STAT3: variants seen among roughly 807,000 people sequenced by gnomAD.
STAT3 encodes signal transducer and activator of transcription 3.
Under a neutral mutation model 114.3 loss-of-function variants are expected in STAT3, and 7 were observed. The ratio of observed to expected loss-of-function variants is 0.06; its 90% confidence interval spans 0.03 to 0.11. The LOEUF (loss-of-function observed/expected upper bound fraction) is 0.11. Ranked by LOEUF, STAT3 falls within the 10% of genes least tolerant of loss-of-function variation. The probability of loss-of-function intolerance (pLI) is 1.00; values close to 1 mark genes in which losing one functional copy is unlikely to be tolerated. For missense variants in STAT3, 364 were observed against 960.9 expected, an observed-to-expected ratio of 0.38 and a Z score of 8.21; for synonymous variants, 331 against 354.5, an observed-to-expected ratio of 0.93 and a Z score of 0.74.
rs375246748 is a variant in STAT3 at position 42,329,536 on chromosome 17, G to A, written c.1233+18C>T. On this transcript the variant is annotated intron_variant, in intron 13 of 23. Transcript: ENST00000264657. ...GGCAGCCAGAGGCCCTTTGTGAAGG[G>A]GAGCTCCTCCCACATACCAAGTGTT... The A allele has an allele frequency of 6.2e-7, 1 of 1,614,170 alleles. No individual in the cohort carries two copies. The highest frequency in any genetic ancestry group is 2.2e-5 in the East Asian group (1 of 44,886).
intron 1 of STAT3, among the ~76,000 whole-genome samples, chr17:42,359,736 A>C (rs1005141092): frequency 6.6e-6 from 1 of 152,138 alleles, no homozygotes; most frequent in Non-Finnish European, 1.5e-5. Context: ...TTTTTATCCC[A>C]CTTTACAGAG....
intron 4 of STAT3, 43 bp from the exon 5 acceptor site, chr17:42,339,452 G>A: frequency 6.3e-7 from 1 of 1,595,980 alleles, no homozygotes; most frequent in Non-Finnish European, 8.6e-7. Flanking sequence ...ACAGAACTAT[G>A]GGGAGAGGAA....
chr17:42,338,830 A>G lies in STAT3; in HGVS notation c.469-18T>C. ...TCTAGATCCTGTTTAAAATAAGCAA[A>G]CAAAAAAACAGAAGTAAAGAAAGAT... On this transcript the variant is annotated intron_variant, in intron 5 of 23. Transcript: ENST00000264657. The G allele has an allele frequency of 6.3e-7, 1 of 1,591,642 alleles. No homozygotes were observed. The highest frequency in any genetic ancestry group is 8.6e-7 in the Non-Finnish European group (1 of 1,161,796).
chr17:42,347,046 G>C (rs1446341266), intron 2 of STAT3, among the ~76,000 whole-genome samples: 1 of 151,916 alleles, frequency 6.6e-6, no homozygotes, highest in East Asian at 1.9e-4. Flanking sequence ...AAATTAGCCA[G>C]GTGTGGTGGT....
At position 42,333,583 on chromosome 17, in the gene STAT3, G is replaced by C; in HGVS notation, c.1049+90C>G. 1 of 1,454,158 alleles carries C rather than the reference G, an allele frequency of 6.9e-7. No homozygotes were observed. The highest frequency in any genetic ancestry group is 9.6e-7 in the Non-Finnish European group (1 of 1,043,418). The allele number at this position is 1,454,158 out of a possible 1,614,324, so 90.1% of individuals were successfully genotyped here. A position where few individuals can be genotyped will look rare whatever the true frequency, so the allele number is the denominator to read the frequency against. On this transcript the variant is annotated intron_variant, in intron 10 of 23. Coordinates refer to ENST00000264657, the MANE Select transcript of STAT3 (RefSeq NM_139276.3). The surrounding 1 kb of genome is among the most constrained non-coding windows in gnomAD (Gnocchi z 5.2). ...TGTACTGCCTGTGACACCACACCTG[G>C]AAAGAATGACCCTGGCCACCAACTC...
In STAT3 at chr17:42,314,344, A is replaced by C. The variant is rs919162188; in HGVS notation, c.*1401T>G. 8.6e-6 allele frequency: 2 copies of C among 233,206 alleles called. No homozygotes were observed. Among genetic ancestry groups the C allele is most frequent in the Non-Finnish European group, 1.7e-5 (2 of 117,822 alleles). 14.4% of individuals were successfully genotyped at this position (233,206 alleles called of 1,614,324 possible). A position where few individuals can be genotyped will look rare whatever the true frequency, so the allele number is the denominator to read the frequency against. ...ACGTCGCTGGGGCCCCATAGTGTGC[A>C]TCATGTCCAACCTGTAACTCTCTCC... On this transcript the variant is annotated 3_prime_UTR_variant, in exon 24 of 24. Transcript: ENST00000264657.
chr17:42,377,069 TCAGA>T (rs2084512806), intron 1 of STAT3, among the ~76,000 whole-genome samples: 2 of 152,200 alleles, frequency 1.3e-5, no homozygotes, highest in Admixed American at 6.5e-5. Context: ...AAAACAAATG[TCAGA>T]CAATGTTTCT....
Position 42,329,766 on chromosome 17 carries a change from C to T in STAT3, c.1120G>A (p.Asp374Asn). ...IKVCIDKDSG[D>N]VAALRGSRKF... is the part of the protein sequence containing the mutation. ...ACTTACCCTCTGAGAGCTGCAACGT[C>T]CCCAGAGTCTCTGTAAGAACACAGA... The change falls in exon 12 of 24, where the codon GAC becomes AAC. Residue 374 changes from aspartate (D) to asparagine (N), a missense_variant. Asp to Asn is a conservative substitution (Grantham distance 23). This residue lies in a region of STAT3 where 294 missense variants were observed against 745.1 expected (regional missense o/e 0.39). Transcript: ENST00000264657. 6.2e-7 allele frequency: 1 copy of T among 1,614,212 alleles called. No individual in the cohort carries two copies. Among genetic ancestry groups the T allele is most frequent in the Non-Finnish European group, 8.5e-7 (1 of 1,180,028 alleles).
Position 42,337,518 on chromosome 17 carries a change from C to T in STAT3, c.714G>A (p.Glu238=), listed in dbSNP as rs2082276601. 1 of 1,614,120 alleles carries T rather than the reference C, an allele frequency of 6.2e-7. No homozygotes were observed. The highest frequency in any genetic ancestry group is 1.1e-5 in the South Asian group (1 of 91,090). The stretch of plus-strand genomic sequence containing the variant: ...GCCGCCTCTTCCAGTCAGCCAGCTC[C>T]TCGTCCGTGAGAGTTTTCTGCACGT... The part of the protein sequence containing the change: ...MEYVQKTLTD[E]ELADWKRRQQ... The change falls in exon 8 of 24, where the codon GAG becomes GAA. Residue 238 remains glutamate, a synonymous_variant. Coordinates refer to ENST00000264657, the MANE Select transcript of STAT3 (RefSeq NM_139276.3). This position sits in a 1 kb window ranked among gnomAD's most constrained non-coding sequence, Gnocchi z 4.0.
At chr17:42,362,815 G>A (rs554221182) in intron 1 of STAT3, among the ~76,000 whole-genome samples, 96 of 152,240 alleles carry the variant, frequency 6.3e-4, no homozygotes, top group African/African-American at 2.2e-3. Flanking sequence ...TGCCCCTCTC[G>A]TATGGCTGGT....
chr17:42,377,613 A>G (rs1439690937), intron 1 of STAT3, among the ~76,000 whole-genome samples: 1 of 152,176 alleles, frequency 6.6e-6, no homozygotes, highest in African/African-American at 2.4e-5. Context: ...TCCCAAGGAT[A>G]AGGTGCGGAC....
intron 1 of STAT3, among the ~76,000 whole-genome samples, chr17:42,374,626 A>AAG: frequency 6.6e-6 from 1 of 151,502 alleles, no homozygotes; most frequent in Non-Finnish European, 1.5e-5. Flanking sequence ...AAAAAAAAAA[A>AAG]AAGAACCCAG....
chr17:42,353,865 T>C (rs888414515), intron 1 of STAT3, among the ~76,000 whole-genome samples: 1 of 151,974 alleles, frequency 6.6e-6, no homozygotes, highest in Non-Finnish European at 1.5e-5. Context: ...TGAGGCATCA[T>C]GCCCAGCCAA....
intron 4 of STAT3, 192 bp downstream of exon 4, chr17:42,345,367 T>TA (rs1349946653): frequency 1.0e-5 from 6 of 578,684 alleles, no homozygotes; most frequent in Non-Finnish European, 1.2e-5. Context: ...TTCTTTTTTT[T>TA]AGAGTTTTTC....
intron 21 of STAT3, among the ~76,000 whole-genome samples, chr17:42,319,663 T>C (rs541634063): frequency 4.7e-5 from 7 of 149,140 alleles, no homozygotes; most frequent in Non-Finnish European, 5.9e-5. Flanking sequence ...CCTCAAGCCA[T>C]AAGGAAATGC....
intron 1 of STAT3, among the ~76,000 whole-genome samples, chr17:42,356,341 G>A (rs1264576252): frequency 2.0e-5 from 3 of 152,054 alleles, no homozygotes; most frequent in Admixed American, 6.6e-5. Context: ...TGTGACCCCA[G>A]CACTTTGGGA....
At chr17:42,350,611 C>T (rs2082901123) in intron 1 of STAT3, among the ~76,000 whole-genome samples, 1 of 152,118 alleles carries the variant, frequency 6.6e-6, no homozygotes, top group African/African-American at 2.4e-5. Flanking sequence ...CTGACAGAAC[C>T]TGAGAGGGCT....
chr17:42,331,978 A>AGTGCAATGG (rs2082031280), intron 10 of STAT3, among the ~76,000 whole-genome samples: 1 of 150,348 alleles, frequency 6.7e-6, no homozygotes, highest in Non-Finnish European at 1.5e-5. Context: ...CCCAGGCTGG[A>AGTGCAATGG]GTGCAATGGC....
Position 42,329,362 on chromosome 17 carries a change from C to T in STAT3, c.1281+48G>A, listed in dbSNP as rs377192981. 8.7e-6 allele frequency: 14 copies of T among 1,605,772 alleles called. No individual in the cohort carries two copies. The African/African-American group carries it at 2.0e-4, about 23-fold the overall frequency. ...TTAAGAAGGATCTTTACCCCTCTCT[C>T]CCTCAAGGAAAACACCCCAGTTGTC... On this transcript the variant is annotated intron_variant, in intron 14 of 23. Coordinates refer to ENST00000264657, the MANE Select transcript of STAT3 (RefSeq NM_139276.3).
Sources: gnomAD v4.1 joint callset for allele counts (sites outside exome capture counted in the v4.1 genomes callset) on GRCh38, gnomAD v4.1.1 for gene constraint, gnomAD v4.1.1 regional missense constraint, Gnocchi (gnomAD v3.1) non-coding constraint, MANE v1.5 for transcripts, NCBI Gene and HGNC (gene_info 2026-07-23, HGNC 2026-07-21) for gene names.